The following TXK variants were observed in gnomAD, a reference collection of about 807,000 sequenced individuals.
The protein encoded by TXK is TXK tyrosine kinase.
Under a neutral mutation model 81.0 loss-of-function variants are expected in TXK, and 60 were observed. The ratio of observed to expected loss-of-function variants is 0.74; its 90% confidence interval spans 0.60 to 0.92. TXK has a LOEUF of 0.92. Among genes scored for constraint, TXK ranks in the 40% least tolerant of loss-of-function variants. TXK has a pLI of 0.00. For synonymous variants in TXK, 203 were observed against 210.7 expected, an observed-to-expected ratio of 0.96 and a Z score of 0.32; for missense variants, 581 against 638.3, an observed-to-expected ratio of 0.91 and a Z score of 0.97.
intron 10 of TXK, among the ~76,000 whole-genome samples, chr4:48,084,172 C>T (rs1717418242): frequency 2.6e-5 from 4 of 152,106 alleles, no homozygotes. Context: ...TCACTCTAGC[C>T]TCAACTTGCT....
intron 4 of TXK, 143 bp from the exon 5 acceptor site, chr4:48,110,746 G>GT (rs922283615): frequency 1.4e-5 from 9 of 645,078 alleles, no homozygotes; most frequent in South Asian, 4.2e-5. Context: ...AGAAAAAAAA[G>GT]TTTTTTTATT....
chr4:48,090,942 T>A (rs906273266), intron 8 of TXK, among the ~76,000 whole-genome samples: 33 of 152,184 alleles, frequency 2.2e-4, no homozygotes, highest in Admixed American at 4.6e-4. Context: ...GCTTGACCAG[T>A]GTAAGAACAA....
intron 6 of TXK, among the ~76,000 whole-genome samples, chr4:48,095,761 A>G (rs900592278): frequency 6.6e-6 from 1 of 152,232 alleles, no homozygotes; most frequent in Non-Finnish European, 1.5e-5. Flanking sequence ...CAGTAGGGGT[A>G]TGGGAAGATA....
intron 14 of TXK, among the ~76,000 whole-genome samples, chr4:48,068,040 T>C (rs1465985037): frequency 6.6e-6 from 1 of 152,142 alleles, no homozygotes; most frequent in Non-Finnish European, 1.5e-5. Context: ...TGTTAGAGAA[T>C]GTTGCAAAAA....
chr4:48,132,819 G>A (rs780516837), intron 1 of TXK, among the ~76,000 whole-genome samples: 16 of 152,006 alleles, frequency 1.1e-4, no homozygotes, highest in Admixed American at 2.6e-4. Context: ...GGTGGCATGC[G>A]CCTGTAGTCC....
intron 9 of TXK, 26 bp downstream of exon 9, chr4:48,089,724 T>C (rs1159264568): frequency 4.4e-6 from 7 of 1,597,250 alleles, no homozygotes. Flanking sequence ...TTTGCTATTT[T>C]ACTTCAGCAT....
At chr4:48,086,749 T>C in intron 9 of TXK, 112 bp from the exon 10 acceptor site, 1 of 990,122 alleles carries the variant, frequency 1.0e-6, no homozygotes, top group Non-Finnish European at 1.5e-6. Flanking sequence ...AAAAAATGTA[T>C]AAAGTGGAGA....
At chr4:48,075,437 T>G (rs974064776) in intron 12 of TXK, among the ~76,000 whole-genome samples, 17 of 152,098 alleles carry the variant, frequency 1.1e-4, no homozygotes, top group Non-Finnish European at 2.4e-4. Flanking sequence ...GGATATTTGA[T>G]GTCAGGAGTT....
intron 12 of TXK, among the ~76,000 whole-genome samples, chr4:48,074,311 T>C (rs1005355531): frequency 6.6e-5 from 10 of 152,224 alleles, no homozygotes; most frequent in Admixed American, 6.5e-4. Context: ...TCACTGTTTA[T>C]GTTAATTATG....
chr4:48,067,693 G>A lies in TXK; in HGVS notation c.1528C>T (p.Arg510Cys), dbSNP rs746410519. ...CGCAGCAGCTCGGCAAATGTAGGGCGGCCTTCAGGTTTCTGGAAAAGGGAA... is the reference window on the plus strand; with the variant it reads ...CGCAGCAGCTCGGCAAATGTAGGGCAGCCTTCAGGTTTCTGGAAAAGGGAA... ...YSCWHEKPEG[R>C]PTFAELLRAV... The change falls in exon 15 of 15, where the codon CGC becomes TGC. Residue 510 changes from arginine to cysteine, a missense_variant. Coordinates refer to ENST00000264316, the MANE Select transcript of TXK (RefSeq NM_003328.3). 1.8e-5 allele frequency: 29 copies of A among 1,613,924 alleles called. No individual in the cohort carries two copies. Among genetic ancestry groups the A allele is most frequent in the Non-Finnish European group, 2.4e-5 (28 of 1,179,992 alleles).
chr4:48,075,006 C>T (rs1383238624), intron 12 of TXK, among the ~76,000 whole-genome samples: 3 of 151,984 alleles, frequency 2.0e-5, no homozygotes, highest in Non-Finnish European at 4.4e-5. Context: ...ATCTCACTAC[C>T]ACCACCCCTA....
chr4:48,125,062 T>C (rs1421857081), intron 1 of TXK, among the ~76,000 whole-genome samples: 1 of 152,226 alleles, frequency 6.6e-6, no homozygotes, highest in African/African-American at 2.4e-5. Context: ...TAGATCTTAC[T>C]ATACTACGCC....
intron 10 of TXK, among the ~76,000 whole-genome samples, chr4:48,082,855 C>T (rs759591794): frequency 1.1e-4 from 17 of 152,130 alleles, no homozygotes; most frequent in Non-Finnish European, 1.9e-4. Context: ...GTCAGAGAAT[C>T]GGCTGTTGGA....
chr4:48,111,631 T>C (rs138107989), intron 4 of TXK, among the ~76,000 whole-genome samples: 5 of 152,334 alleles, frequency 3.3e-5, no homozygotes, highest in African/African-American at 7.2e-5. Context: ...AGCCACATCA[T>C]TGAGAAAATG....
At chr4:48,131,105 G>A (rs1719237171) in intron 1 of TXK, among the ~76,000 whole-genome samples, 1 of 152,134 alleles carries the variant, frequency 6.6e-6, no homozygotes, top group Non-Finnish European at 1.5e-5. Flanking sequence ...GTGAGTTGAT[G>A]GAAATGCTGG....
chr4:48,119,711 T>TGCC (rs1292026944), intron 1 of TXK, among the ~76,000 whole-genome samples: 1 of 152,226 alleles, frequency 6.6e-6, no homozygotes, highest in Non-Finnish European at 1.5e-5. Flanking sequence ...TGCTTCTGAC[T>TGCC]GCCATTTTCA....
chr4:48,067,685 T>C lies in TXK; in HGVS notation c.1536A>G (p.Thr512=), dbSNP rs1716663772. 2.5e-6 allele frequency: 4 copies of C among 1,614,006 alleles called. No individual in the cohort carries two copies. The highest frequency in any genetic ancestry group is 1.7e-4 in the Middle Eastern group (1 of 6,060). ...TGACAGCCCGCAGCAGCTCGGCAAA[T>C]GTAGGGCGGCCTTCAGGTTTCTGGA... ...CWHEKPEGRP[T]FAELLRAVTE... The change falls in exon 15 of 15, where the codon ACA becomes ACG. Residue 512 remains threonine, a synonymous_variant. Coordinates refer to ENST00000264316, the MANE Select transcript of TXK (RefSeq NM_003328.3).
At chr4:48,104,867 G>A (rs762264295) in intron 6 of TXK, 34 bp downstream of exon 6, 4 of 1,544,638 alleles carry the variant, frequency 2.6e-6, no homozygotes, top group Non-Finnish European at 3.5e-6. Flanking sequence ...ACTTCTCAGA[G>A]ATTTTGAAAA....
rs532389541 is a variant in TXK, at chr4:48,104,688, G to A, written c.501+213C>T. Among the ~76,000 whole-genome samples the A allele has an allele frequency of 6.4e-5, 9 of 139,568 alleles. No homozygotes were observed. The East Asian group carries it at 1.8e-3, about 29-fold the overall frequency. The allele number at this position is 139,568 out of a possible 152,430, so 91.6% of individuals were successfully genotyped here. ...TGTTGGAGCTGAAAGCCTTTCAGGAGAAACGTATTTCTGAAATTATAATGA... is the reference window on the plus strand; with the variant it reads ...TGTTGGAGCTGAAAGCCTTTCAGGAAAAACGTATTTCTGAAATTATAATGA... On this transcript the variant is annotated intron_variant, in intron 6 of 14. Transcript: ENST00000264316.
Sources: allele counts gnomAD v4.1 joint callset (sites outside exome capture counted in the v4.1 genomes callset), GRCh38; gene constraint gnomAD v4.1.1; transcripts MANE v1.5; gene names NCBI Gene and HGNC (gene_info 2026-07-23, HGNC 2026-07-21).